PKM: variants seen among roughly 807,000 people sequenced by gnomAD.
PKM encodes the protein pyruvate kinase PKM.
Under a neutral mutation model 49.8 loss-of-function variants are expected in PKM, and 18 were observed. That is an observed-to-expected ratio of 0.36 (90% CI 0.25 to 0.54). PKM has a LOEUF of 0.54. Ranked by LOEUF, PKM falls within the 20% of genes least tolerant of loss-of-function variation. The pLI is 0.89. For synonymous variants in PKM, 239 were observed against 261.8 expected, an observed-to-expected ratio of 0.91 and a Z score of 0.84; for missense variants, 508 against 713.8, an observed-to-expected ratio of 0.71 and a Z score of 3.28.
chr15:72,230,963 C>G, intron 1 of PKM, 153 bp downstream of exon 1: 1 of 1,286,662 alleles, frequency 7.8e-7, no homozygotes, highest in Non-Finnish European at 1.0e-6. Context: ...AGGAGCCGTT[C>G]TCCTCTCTCT....
intron 8 of PKM, chr15:72,203,235 G>C: frequency 1.3e-6 from 2 of 1,528,740 alleles, no homozygotes; most frequent in Non-Finnish European, 1.8e-6. Flanking sequence ...GAAGGAGGAG[G>C]AAAAAAACGA....
Position 72,200,580 on chromosome 15 carries a change from A to C in PKM, c.1383T>G (p.Arg461=). 1 of 1,614,060 alleles carries C rather than the reference A, an allele frequency of 6.2e-7. No homozygotes were observed. The highest frequency in any genetic ancestry group is 1.3e-5 in the African/African-American group (1 of 75,026). ...IAVTRNPQTA[R]QAHLYRGIFP... is the part of the protein sequence containing the mutation. The stretch of plus-strand genomic sequence containing the variant: ...AGATGCCACGGTACAGGTGGGCCTG[A>C]CGAGCTGTCTGGGGATTCCGGGTCA... The change falls in exon 10 of 11, where the codon CGT becomes CGG. Residue 461 remains arginine (R), a synonymous_variant. Transcript: ENST00000335181. This position sits in a 1 kb window ranked among gnomAD's most constrained non-coding sequence, Gnocchi z 4.6.
In PKM at chr15:72,202,508, T is replaced by TCCACGGCAC; in HGVS notation, c.1244_1252dup (p.Gly415_Val417dup). ...CCCACTGCAGCACTTGAAGGAGGCC[T>TCCACGGCAC]CCACGGCACCCACGGCGGTGGCTTC... On this transcript the variant is annotated inframe_insertion, in exon 9 of 11. Transcript: ENST00000335181. The surrounding 1 kb of genome is among the most constrained non-coding windows in gnomAD (Gnocchi z 4.5). 6.2e-7 allele frequency: 1 copy of TCCACGGCAC among 1,613,754 alleles called. No homozygotes were observed. The highest frequency in any genetic ancestry group is 8.5e-7 in the Non-Finnish European group (1 of 1,179,958).
At chr15:72,213,283 T>C (rs2082299989) in intron 3 of PKM, among the ~76,000 whole-genome samples, 1 of 152,188 alleles carries the variant, frequency 6.6e-6, no homozygotes, top group Non-Finnish European at 1.5e-5. Context: ...TTTGGTACTG[T>C]CCTTGTTTGA....
intron 1 of PKM, among the ~76,000 whole-genome samples, chr15:72,224,746 T>C (rs1169586981): frequency 2.6e-5 from 4 of 151,878 alleles, no homozygotes; most frequent in African/African-American, 7.2e-5. Context: ...TCCCAGCTAC[T>C]TGGGTGGCTG....
At chr15:72,221,046 T>C in intron 1 of PKM, 1 of 695,934 alleles carries the variant, frequency 1.4e-6, no homozygotes, top group East Asian at 2.7e-5. Context: ...AAGATCTGAA[T>C]AAGTGGGTTG....
chr15:72,223,350 C>T (rs765147319), intron 1 of PKM, among the ~76,000 whole-genome samples: 6 of 152,110 alleles, frequency 3.9e-5, no homozygotes, highest in Admixed American at 1.3e-4. Context: ...AATTATGCTC[C>T]GATACCAACC....
Position 72,231,179 on chromosome 15 carries a change from C to T in PKM, c.-77G>A, listed in dbSNP as rs1031039697. On this transcript the variant is annotated 5_prime_UTR_variant, in exon 1 of 11. Coordinates refer to ENST00000335181, the MANE Select transcript of PKM (RefSeq NM_002654.6). ...AAGAGATCCGGAGCCACGGCGCGTGCAGCTGCTGTGCAAGGAGCCACTGCC... is the reference window on the plus strand; with the variant it reads ...AAGAGATCCGGAGCCACGGCGCGTGTAGCTGCTGTGCAAGGAGCCACTGCC... 4.9e-5 allele frequency: 14 copies of T among 284,530 alleles called. No individual in the cohort carries two copies. Among genetic ancestry groups the T allele is most frequent in the African/African-American group, 2.2e-4 (10 of 44,808 alleles). 17.6% of individuals were successfully genotyped at this position (284,530 alleles called of 1,614,324 possible). A position where few individuals can be genotyped will look rare whatever the true frequency, so the allele number is the denominator to read the frequency against.
chr15:72,216,698 G>C (rs1325248181), intron 3 of PKM, among the ~76,000 whole-genome samples: 1 of 152,170 alleles, frequency 6.6e-6, no homozygotes, highest in Non-Finnish European at 1.5e-5. Flanking sequence ...TTCTAAATCT[G>C]GCAATGGAGG....
rs61730842 is a variant in PKM, at chr15:72,208,850, A to G, written c.607T>C (p.Leu203=). 1,812 of 1,614,102 alleles carry G rather than the reference A, an allele frequency of 1.1e-3. 20 individuals are homozygous for G. The African/African-American group carries it at 0.021, about 19-fold the overall frequency. The part of the protein sequence containing the change: ...LVTEVENGGS[L]GSKKGVNLPG... Reference sequence around the variant, plus strand: ...AGGTTCACACCCTTCTTGCTGCCCAAGGAGCCACCATTTTCCACCTCCGTC... The same window carrying G: ...AGGTTCACACCCTTCTTGCTGCCCAGGGAGCCACCATTTTCCACCTCCGTC... Residue 203 remains leucine, a synonymous_variant, in exon 6 of 11, where the codon TTG becomes CTG. Coordinates refer to ENST00000335181, the MANE Select transcript of PKM (RefSeq NM_002654.6).
intron 6 of PKM, among the ~76,000 whole-genome samples, chr15:72,207,614 A>G (rs8192412): frequency 0.024 from 3,672 of 152,272 alleles, 145 homozygotes; most frequent in African/African-American, 0.085. Flanking sequence ...CCATTTTCCA[A>G]TCAGCACTTC....
intron 8 of PKM, chr15:72,203,932 G>C (rs1189870968): frequency 6.6e-6 from 1 of 152,198 alleles, no homozygotes; most frequent in Non-Finnish European, 1.5e-5. Flanking sequence ...TAGATCACTT[G>C]CTCAGATAAG....
At chr15:72,219,402 G>A in intron 1 of PKM, 2 of 290,512 alleles carry the variant, frequency 6.9e-6, no homozygotes, top group Non-Finnish European at 1.3e-5. Flanking sequence ...TGGGCTGACT[G>A]ACATCTACCT....
chr15:72,221,106 A>G (rs1294518900), intron 1 of PKM: 2 of 913,478 alleles, frequency 2.2e-6, no homozygotes, highest in Admixed American at 4.0e-5. Flanking sequence ...CTCTTCTTAG[A>G]CCTGAGATAT....
intron 9 of PKM, chr15:72,201,337 G>A (rs1166556423): frequency 6.6e-6 from 1 of 152,262 alleles, no homozygotes; most frequent in Non-Finnish European, 1.5e-5. Context: ...TGGAAGGCAG[G>A]GGACCCTTCT....
At chr15:72,222,778 T>C (rs1348516777) in intron 1 of PKM, among the ~76,000 whole-genome samples, 1 of 152,088 alleles carries the variant, frequency 6.6e-6, no homozygotes, top group Non-Finnish European at 1.5e-5. Flanking sequence ...GAGCCATGTC[T>C]CCTCTGTGAG....
chr15:72,229,929 AG>A (rs1428652614), intron 1 of PKM, among the ~76,000 whole-genome samples: 1 of 98,936 alleles, frequency 1.0e-5, no homozygotes, highest in Non-Finnish European at 2.3e-5. Flanking sequence ...AAAAAAAGAA[AG>A]AAAAAAGAAA....
intron 8 of PKM, 175 bp downstream of exon 8, chr15:72,206,553 G>GA (rs371071860): frequency 8.6e-3 from 4,503 of 524,476 alleles, no homozygotes; most frequent in Middle Eastern, 0.011. Context: ...CAGAACAGGA[G>GA]AAAAAAAAAA....
Position 72,219,114 on chromosome 15 carries a change from G to A in PKM, c.-13-4C>T, listed in dbSNP as rs781303300. The A allele has an allele frequency of 6.2e-7, 1 of 1,610,244 alleles. No homozygotes were observed. Among genetic ancestry groups the A allele is most frequent in the South Asian group, 1.1e-5 (1 of 91,026 alleles). ...CTTCGACATGGCTGCTGAGGTCCTGGGTCGAGACAAATTGAAAGAGAGTGG... is the reference window on the plus strand; with the variant it reads ...CTTCGACATGGCTGCTGAGGTCCTGAGTCGAGACAAATTGAAAGAGAGTGG... On this transcript the variant is annotated splice_polypyrimidine_tract_variant and splice_region_variant and intron_variant, in intron 1 of 10. Transcript: ENST00000335181.
Sources: allele counts gnomAD v4.1 joint callset (sites outside exome capture counted in the v4.1 genomes callset), GRCh38; gene constraint gnomAD v4.1.1; non-coding constraint Gnocchi (gnomAD v3.1); transcripts MANE v1.5; gene names NCBI Gene and HGNC (gene_info 2026-07-23, HGNC 2026-07-21).